RTN4: variants seen among roughly 807,000 people sequenced by gnomAD.
The protein encoded by RTN4 is reticulon-4.
In RTN4, 32 loss-of-function variants were observed where a neutral mutation model predicts 90.4. The observed-to-expected ratio is 0.35, with a 90% CI of 0.27 to 0.48. The LOEUF (loss-of-function observed/expected upper bound fraction) is 0.48, where lower values mean the gene tolerates loss of function less well. RTN4 is among the 20% of genes least tolerant of loss of function. RTN4 has a pLI of 0.99. For synonymous variants in RTN4, 629 were observed against 552.5 expected (o/e 1.14, Z -1.94); for missense variants, 1,706 against 1,430.2 (o/e 1.19, Z -3.11).
At chr2:54,982,055 A>G (rs1014333108) in intron 5 of RTN4, among the ~76,000 whole-genome samples, 14 of 152,014 alleles carry the variant, frequency 9.2e-5, no homozygotes, top group African/African-American at 3.4e-4. Flanking sequence ...CCCGGGTTCA[A>G]GCGATTCTCC....
At chr2:55,044,131 G>A (rs1683256512) in intron 1 of RTN4, among the ~76,000 whole-genome samples, 1 of 152,124 alleles carries the variant, frequency 6.6e-6, no homozygotes, top group Non-Finnish European at 1.5e-5. Flanking sequence ...AGAAGATGAG[G>A]CTGCAGTGAG....
chr2:55,062,469 T>A lies in RTN4; in HGVS notation c.-63+18020A>T, dbSNP rs191889564. Among the ~76,000 whole-genome samples, 18 of 152,272 alleles carry A rather than the reference T, an allele frequency of 1.2e-4. No homozygotes were observed. In the East Asian group the frequency reaches 3.5e-3, roughly 29 times the overall value. On this transcript the variant is annotated intron_variant, in intron 2 of 3. Transcript: ENST00000427710. ...CGCGTCTGTGTGCTCCCCTAGAGGT[T>A]TGAGCAGCGGGGCACTGAAGAGGGG... is the stretch of plus-strand genomic sequence containing the variant.
intron 2 of RTN4, among the ~76,000 whole-genome samples, chr2:55,067,391 C>A (rs1668413755): frequency 6.7e-6 from 1 of 150,278 alleles, no homozygotes; most frequent in Non-Finnish European, 1.5e-5. Flanking sequence ...AAGGGATCAA[C>A]TTTGCAGTAA....
chr2:54,987,591 C>T lies in RTN4; in HGVS notation c.3121G>A (p.Ala1041Thr). 2 of 1,614,154 alleles carry T rather than the reference C, an allele frequency of 1.2e-6. No homozygotes were observed. The highest frequency in any genetic ancestry group is 1.7e-6 in the Non-Finnish European group (2 of 1,179,984). The stretch of plus-strand genomic sequence containing the variant: ...GAGAGCAGGGCCAAGGCAATGTAGG[C>T]TGTTACGCTCACAATGCTGAATACT... ...LTVFSIVSVTAYIALALLSVT... is the reference protein window; with the variant it reads ...LTVFSIVSVTTYIALALLSVT... Residue 1041 changes from alanine (A) to threonine (T), a missense_variant, in exon 4 of 9, where the codon GCC becomes ACC. Physicochemically the swap from Ala to Thr is moderately conservative, Grantham distance 58. Transcript: ENST00000337526.
chr2:55,065,632 G>T lies in RTN4; in HGVS notation c.-63+14857C>A, dbSNP rs559891607. ...CACACGCTAATATAACTCAACCCTAGAGAACCCACGTTGAACAAAAGAAAC... is the reference window on the plus strand; with the variant it reads ...CACACGCTAATATAACTCAACCCTATAGAACCCACGTTGAACAAAAGAAAC... On this transcript the variant is annotated intron_variant, in intron 2 of 3. Transcript: ENST00000427710. Among the ~76,000 whole-genome samples the T allele has an allele frequency of 2.6e-5, 4 of 152,116 alleles. No individual in the cohort carries two copies. In the East Asian group the frequency reaches 7.7e-4, roughly 29 times the overall value.
intron 3 of RTN4, among the ~76,000 whole-genome samples, chr2:54,995,664 G>T (rs1679365762): frequency 6.6e-6 from 1 of 152,082 alleles, no homozygotes; most frequent in Non-Finnish European, 1.5e-5. Flanking sequence ...CAGGGTGCAA[G>T]GCAGGAACCA....
intron 1 of RTN4, among the ~76,000 whole-genome samples, chr2:55,090,980 A>C (rs2920861): frequency 0.92 from 140,555 of 152,166 alleles, 65,067 homozygotes; most frequent in Middle Eastern, 0.99. Flanking sequence ...ACATTTTTCA[A>C]CTTCTCTGCA....
intron 5 of RTN4, among the ~76,000 whole-genome samples, chr2:54,979,544 G>A (rs1211960544): frequency 3.3e-5 from 5 of 152,070 alleles, no homozygotes; most frequent in African/African-American, 1.2e-4. Flanking sequence ...CAGTATTTCT[G>A]TATATTCAAT....
intron 1 of RTN4, among the ~76,000 whole-genome samples, chr2:55,084,973 T>C (rs930712209): frequency 5.3e-5 from 8 of 152,164 alleles, no homozygotes; most frequent in Non-Finnish European, 1.2e-4. Flanking sequence ...GAAAATATTG[T>C]AGAGACTAGA....
intron 1 of RTN4, among the ~76,000 whole-genome samples, chr2:55,109,382 G>A (rs1358358720): frequency 6.6e-6 from 1 of 152,122 alleles, no homozygotes; most frequent in Non-Finnish European, 1.5e-5. Flanking sequence ...CTGCTTCTCT[G>A]CTGATCACTT....
intron 1 of RTN4, among the ~76,000 whole-genome samples, chr2:55,086,793 G>A (rs1218193958): frequency 6.6e-6 from 1 of 150,964 alleles, no homozygotes; most frequent in Non-Finnish European, 1.5e-5. Context: ...ATCTTTCACT[G>A]TCAACCAATT....
chr2:55,131,423 G>A, the RTN4 span, among the ~76,000 whole-genome samples: 1 of 14,368 alleles, frequency 7.0e-5, no homozygotes, highest in African/African-American at 5.9e-4. Flanking sequence ...TGCCCAGGCT[G>A]GTCCTAACTC....
At position 55,020,273 on chromosome 2, in the gene RTN4, G is replaced by A. The variant is rs112223283; in HGVS notation, c.3013+4813C>T. On this transcript the variant is annotated intron_variant, in intron 3 of 8. Coordinates refer to ENST00000337526, the MANE Select transcript of RTN4 (RefSeq NM_020532.5). ...AATCCTGAACAAAAATAAAGCTGGC[G>A]GAATCACACTACTAAATTTCAAAAT... is the stretch of plus-strand genomic sequence containing the variant. 1.4e-4 allele frequency among the ~76,000 whole-genome samples: 21 copies of A among 152,122 alleles called. 1 individual carries two copies. Among genetic ancestry groups the A allele is most frequent in the African/African-American group, 3.1e-4 (13 of 41,494 alleles).
At chr2:55,116,351 T>C (rs1668125047), upstream of RTN4, among the ~76,000 whole-genome samples, 1 of 152,120 alleles carries the variant, frequency 6.6e-6, no homozygotes, top group Non-Finnish European at 1.5e-5. Context: ...TATCAGAGCC[T>C]TGACTTCAAA....
At chr2:54,992,280 T>C (rs1362994991) in intron 3 of RTN4, among the ~76,000 whole-genome samples, 1 of 152,228 alleles carries the variant, frequency 6.6e-6, no homozygotes, top group Non-Finnish European at 1.5e-5. Flanking sequence ...CCAGGATTCC[T>C]ATGGATAAAA....
In RTN4 at chr2:55,107,710, C is replaced by T. The variant is rs1573521944; in HGVS notation, c.-214+4810G>A. The stretch of plus-strand genomic sequence containing the variant: ...AAAGGGTGCCCTGGGCATCCAGAGG[C>T]CCAGTATCTATGAACATCAGGAATG... On this transcript the variant is annotated intron_variant, in intron 1 of 3. Transcript: ENST00000427710. Among the ~76,000 whole-genome samples the T allele has an allele frequency of 3.3e-5, 5 of 152,056 alleles. No individual in the cohort carries two copies. The South Asian group carries it at 1.0e-3, about 31-fold the overall frequency.
chr2:55,001,640 C>A (rs1406883956), intron 3 of RTN4, among the ~76,000 whole-genome samples: 1 of 152,182 alleles, frequency 6.6e-6, no homozygotes, highest in Admixed American at 6.5e-5. Flanking sequence ...TTCCTATTAA[C>A]ATGAAATTCC....
intron 2 of RTN4, among the ~76,000 whole-genome samples, chr2:55,079,001 G>C (rs1033791355): frequency 1.1e-4 from 16 of 152,206 alleles, no homozygotes; most frequent in Middle Eastern, 3.2e-3. Flanking sequence ...CCTCTTAAGA[G>C]GCCATGTATT....
chr2:55,049,068 C>T (rs1646384776), intron 1 of RTN4: 1 of 982,642 alleles, frequency 1.0e-6, no homozygotes, highest in Non-Finnish European at 1.2e-6. Context: ...TGGGCGGTGG[C>T]AGGACTTTAC....
Sources: allele counts gnomAD v4.1 joint callset (sites outside exome capture counted in the v4.1 genomes callset), GRCh38; gene constraint gnomAD v4.1.1; transcripts MANE v1.5; gene names NCBI Gene and HGNC (gene_info 2026-07-23, HGNC 2026-07-21).